Variants in COX7B2 observed in about 807,000 individuals in gnomAD.
COX7B2 encodes the protein cytochrome c oxidase subunit 7B2.
For missense variants in COX7B2, 109 were observed against 95.9 expected, an observed-to-expected ratio of 1.14 and a Z score of -0.57; for synonymous variants, 37 against 32.1, an observed-to-expected ratio of 1.15 and a Z score of -0.51.
intron 2 of COX7B2, among the ~76,000 whole-genome samples, chr4:46,825,778 G>GGAAA (rs1299354286): frequency 6.6e-6 from 1 of 152,064 alleles, no homozygotes; most frequent in Non-Finnish European, 1.5e-5. Flanking sequence ...CAAGCAATGG[G>GGAAA]GAAAGACTCC....
At chr4:46,786,254 A>T (rs995276908) in intron 2 of COX7B2, among the ~76,000 whole-genome samples, 5 of 152,218 alleles carry the variant, frequency 3.3e-5, no homozygotes, top group African/African-American at 1.2e-4. Flanking sequence ...ATATATTATG[A>T]ACATCTTCTC....
At chr4:46,794,113 A>T (rs145969893) in intron 2 of COX7B2, among the ~76,000 whole-genome samples, 4 of 152,184 alleles carry the variant, frequency 2.6e-5, no homozygotes, top group African/African-American at 9.7e-5. Flanking sequence ...TACAAAGTAT[A>T]ACACATAAAG....
chr4:46,825,341 C>T (rs560674142), intron 2 of COX7B2, among the ~76,000 whole-genome samples: 2 of 152,024 alleles, frequency 1.3e-5, no homozygotes, highest in South Asian at 4.2e-4. Flanking sequence ...TGAAAGACCT[C>T]TACAATGAAA....
chr4:46,830,883 C>T (rs1715035291), intron 2 of COX7B2, among the ~76,000 whole-genome samples: 1 of 152,234 alleles, frequency 6.6e-6, no homozygotes, highest in African/African-American at 2.4e-5. Flanking sequence ...ATGCTGGCAG[C>T]CCTCGCAGCC....
chr4:46,785,185 G>A (rs1163538615), intron 2 of COX7B2, among the ~76,000 whole-genome samples: 1 of 152,108 alleles, frequency 6.6e-6, no homozygotes, highest in Non-Finnish European at 1.5e-5. Context: ...CTCGTGTACT[G>A]ACAAATCAGT....
intron 2 of COX7B2, among the ~76,000 whole-genome samples, chr4:46,786,487 G>A (rs1005461619): frequency 1.3e-5 from 2 of 152,106 alleles, no homozygotes; most frequent in African/African-American, 4.8e-5. Context: ...TTGCTTCTAG[G>A]AATAAATTCT....
At chr4:46,820,870 A>G (rs1171884857) in intron 2 of COX7B2, among the ~76,000 whole-genome samples, 2 of 150,804 alleles carry the variant, frequency 1.3e-5, no homozygotes, top group Non-Finnish European at 3.0e-5. Context: ...TAGATATTAC[A>G]GCAGTAGGCA....
intron 2 of COX7B2, among the ~76,000 whole-genome samples, chr4:46,740,016 AT>A (rs1393826934): frequency 3.9e-5 from 6 of 151,916 alleles, no homozygotes; most frequent in African/African-American, 1.5e-4. Context: ...TTCATTTTTA[AT>A]TTTTTATTTT....
chr4:46,833,112 T>C (rs891481901), intron 2 of COX7B2, among the ~76,000 whole-genome samples: 8 of 151,994 alleles, frequency 5.3e-5, no homozygotes, highest in Non-Finnish European at 1.2e-4. Context: ...TCCATGTTGG[T>C]CAGGCTGGTC....
intron 1 of COX7B2, among the ~76,000 whole-genome samples, chr4:46,897,406 T>A (rs964176879): frequency 1.3e-5 from 2 of 152,232 alleles, no homozygotes; most frequent in African/African-American, 2.4e-5. Context: ...CTCAGGAGAA[T>A]GCTAAGTGTG....
At chr4:46,762,870 T>G (rs960427569) in intron 2 of COX7B2, among the ~76,000 whole-genome samples, 17 of 148,684 alleles carry the variant, frequency 1.1e-4, no homozygotes, top group African/African-American at 3.9e-4. Flanking sequence ...CTAGCATTTT[T>G]GGGATCCTGT....
At chr4:46,811,966 G>C (rs1167637218) in intron 2 of COX7B2, among the ~76,000 whole-genome samples, 1 of 152,130 alleles carries the variant, frequency 6.6e-6, no homozygotes, top group Admixed American at 6.5e-5. Flanking sequence ...TAGGTTATTA[G>C]GGCAAAGGCT....
At chr4:46,819,451 C>T (rs1714113951) in intron 2 of COX7B2, among the ~76,000 whole-genome samples, 1 of 150,884 alleles carries the variant, frequency 6.6e-6, no homozygotes, top group Non-Finnish European at 1.5e-5. Flanking sequence ...GGTGTCCAAT[C>T]TTTTGGCTTC....
chr4:46,736,536 T>A lies in COX7B2; in HGVS notation c.-49-1295A>T, dbSNP rs189348518. On this transcript the variant is annotated intron_variant, in intron 2 of 2. Coordinates refer to ENST00000355591, the MANE Select transcript of COX7B2 (RefSeq NM_130902.3). ...GATAAAACAAATAAAAGTTTCAAGC[T>A]TCTTAACACTAGAAGGGTCAATTTC... Among the ~76,000 whole-genome samples the A allele has an allele frequency of 2.4e-3, 370 of 152,232 alleles. 2 individuals carry two copies. The highest frequency in any genetic ancestry group is 4.4e-3 in the South Asian group (21 of 4,826).
At chr4:46,753,980 C>T (rs995681571) in intron 2 of COX7B2, among the ~76,000 whole-genome samples, 6 of 152,142 alleles carry the variant, frequency 3.9e-5, no homozygotes, top group African/African-American at 1.4e-4. Flanking sequence ...GATCACTGGC[C>T]ATCAGAGAAA....
chr4:46,783,254 G>A (rs1199819271), intron 2 of COX7B2, among the ~76,000 whole-genome samples: 1 of 152,160 alleles, frequency 6.6e-6, no homozygotes. Context: ...TTACAGGCTG[G>A]AAAACACAAC....
At chr4:46,822,354 T>A (rs1421347158) in intron 2 of COX7B2, among the ~76,000 whole-genome samples, 2 of 150,892 alleles carry the variant, frequency 1.3e-5, no homozygotes, top group Admixed American at 1.3e-4. Flanking sequence ...GAATACAAAA[T>A]AAACTAGGAG....
intron 2 of COX7B2, among the ~76,000 whole-genome samples, chr4:46,771,199 G>A (rs543391480): frequency 1.4e-4 from 21 of 152,306 alleles, no homozygotes; most frequent in East Asian, 1.9e-4. Context: ...CTGCTAACGC[G>A]TGTATGGAAA....
In COX7B2 at chr4:46,907,848, C is replaced by CTTTTTTTTTT. The variant is rs35024713; in HGVS notation, c.-105+1302_-105+1311dup. 2.5e-4 allele frequency among the ~76,000 whole-genome samples: 15 copies of CTTTTTTTTTT among 59,730 alleles called. 2 individuals are homozygous for CTTTTTTTTTT. Among genetic ancestry groups the CTTTTTTTTTT allele is most frequent in the South Asian group, 6.9e-4 (1 of 1,454 alleles). 39.2% of individuals were successfully genotyped at this position (59,730 alleles called of 152,430 possible). ...TATAAAAGATCAGAATTTGAGCAGA[C>CTTTTTTTTTT]TTTTTTTTTTTTTTTTTTTTTTTTG... On this transcript the variant is annotated intron_variant, in intron 1 of 2. Coordinates refer to ENST00000355591, the MANE Select transcript of COX7B2 (RefSeq NM_130902.3).
Sources: allele counts gnomAD v4.1 joint callset (sites outside exome capture counted in the v4.1 genomes callset), GRCh38; gene constraint gnomAD v4.1.1; transcripts MANE v1.5; gene names NCBI Gene and HGNC (gene_info 2026-07-23, HGNC 2026-07-21).